Variants in ADAMTS20 observed in about 807,000 individuals in gnomAD.
ADAMTS20 encodes ADAM metallopeptidase with thrombospondin type 1 motif 20.
Under a neutral mutation model 260.1 loss-of-function variants are expected in ADAMTS20, and 225 were observed. The ratio of observed to expected loss-of-function variants is 0.87; its 90% CI spans 0.78 to 0.97. The LOEUF (loss-of-function observed/expected upper bound fraction) is 0.97, where lower values mean the gene tolerates loss of function less well. Among genes scored for constraint, ADAMTS20 ranks in the 50% least tolerant of loss-of-function variants. The probability of loss-of-function intolerance (pLI) is 0.00; values close to 1 mark genes in which losing one functional copy is unlikely to be tolerated. For missense variants in ADAMTS20, 2,400 were observed against 2,337.7 expected, an observed-to-expected ratio of 1.03 and a Z score of -0.55; for synonymous variants, 802 against 769.5, an observed-to-expected ratio of 1.04 and a Z score of -0.70.
At chr12:43,510,000 T>C (rs1003501599) in intron 3 of ADAMTS20, among the ~76,000 whole-genome samples, 2 of 152,148 alleles carry the variant, frequency 1.3e-5, no homozygotes, top group Non-Finnish European at 2.9e-5. Context: ...CTTGCATAAC[T>C]GAAAATCCCA....
At position 43,493,156 on chromosome 12, in the gene ADAMTS20, G is replaced by C; in HGVS notation, c.951+14C>G. 1 of 1,527,408 alleles carries C rather than the reference G, an allele frequency of 6.5e-7. No homozygotes were observed. Among genetic ancestry groups the C allele is most frequent in the Non-Finnish European group, 8.9e-7 (1 of 1,124,598 alleles). The allele number at this position is 1,527,408 out of a possible 1,614,324, so 94.6% of individuals were successfully genotyped here. A position where few individuals can be genotyped will look rare whatever the true frequency, so the allele number is the denominator to read the frequency against. On this transcript the variant is annotated intron_variant, in intron 5 of 38. Coordinates refer to ENST00000389420, the MANE Select transcript of ADAMTS20 (RefSeq NM_025003.5). ...ACTACAACTAAGGTTACTAATTTTA[G>C]ACCTGTTTCTTACCTCCTCACGGTG...
At chr12:43,434,445 T>C in intron 18 of ADAMTS20, 74 bp from the exon 19 acceptor site, 1 of 1,453,918 alleles carries the variant, frequency 6.9e-7, no homozygotes, top group South Asian at 1.4e-5. Flanking sequence ...TATGTAATTC[T>C]GCTAATAGCT....
intron 10 of ADAMTS20, 72 bp downstream of exon 10, chr12:43,464,519 A>G (rs551519854): frequency 6.6e-7 from 1 of 1,522,048 alleles, no homozygotes; most frequent in South Asian, 1.2e-5. Flanking sequence ...GAGAATAAAC[A>G]CATTTTGAAA....
chr12:43,431,285 T>A (rs12320797), intron 22 of ADAMTS20, 47 bp downstream of exon 22: 23 of 1,584,638 alleles, frequency 1.5e-5, no homozygotes, highest in Non-Finnish European at 1.6e-5. Context: ...TTTTGTGCTA[T>A]TCTGTAAAGA....
chr12:43,512,163 C>T (rs1373038937), intron 3 of ADAMTS20, among the ~76,000 whole-genome samples: 1 of 150,348 alleles, frequency 6.7e-6, no homozygotes, highest in Non-Finnish European at 1.5e-5. Flanking sequence ...CTATTATTAT[C>T]GTCATTTTAT....
chr12:43,376,784 A>G lies in ADAMTS20; in HGVS notation c.4996-131T>C. 3 of 1,030,146 alleles carry G rather than the reference A, an allele frequency of 2.9e-6. No individual in the cohort carries two copies. The South Asian group carries it at 6.0e-5, about 20-fold the overall frequency. 63.8% of individuals were successfully genotyped at this position (1,030,146 alleles called of 1,614,324 possible). A position where few individuals can be genotyped will look rare whatever the true frequency, so the allele number is the denominator to read the frequency against. Reference sequence around the variant, plus strand: ...TCAGTAGTGGCTAGATACACAGAAGACACAAAACTATGCTGGGGGCTGGAT... The same window carrying G: ...TCAGTAGTGGCTAGATACACAGAAGGCACAAAACTATGCTGGGGGCTGGAT... On this transcript the variant is annotated intron_variant, in intron 32 of 38. Coordinates refer to ENST00000389420, the MANE Select transcript of ADAMTS20 (RefSeq NM_025003.5).
Position 43,446,661 on chromosome 12 carries a change from C to T in ADAMTS20, c.2131G>A (p.Gly711Arg). ...LNSSAKIDKCGVCGGDNSSCK... is the reference protein window; with the variant it reads ...LNSSAKIDKCRVCGGDNSSCK... ...GAAGAGTTGTCCCCACCACACACTC[C>T]ACATTTGTCTATCTTGGCACTGGAG... The change falls in exon 15 of 39, where the codon GGA (glycine) becomes AGA (arginine). Residue 711 changes from glycine to arginine, a missense_variant. Transcript: ENST00000389420. The T allele has an allele frequency of 6.2e-7, 1 of 1,613,388 alleles. No individual in the cohort carries two copies. The highest frequency in any genetic ancestry group is 8.5e-7 in the Non-Finnish European group (1 of 1,179,552).
chr12:43,457,214 A>G (rs1365056084), intron 11 of ADAMTS20, among the ~76,000 whole-genome samples: 1 of 152,132 alleles, frequency 6.6e-6, no homozygotes, highest in African/African-American at 2.4e-5. Context: ...CCTTTCTTCA[A>G]AACTAATTGT....
At chr12:43,496,770 A>G (rs185935173) in intron 4 of ADAMTS20, among the ~76,000 whole-genome samples, 1 of 152,342 alleles carries the variant, frequency 6.6e-6, no homozygotes, top group Admixed American at 6.5e-5. Context: ...GAACAAAATC[A>G]TTCCACAGTT....
intron 28 of ADAMTS20, among the ~76,000 whole-genome samples, chr12:43,409,015 T>G (rs1940972863): frequency 6.6e-6 from 1 of 152,172 alleles, no homozygotes; most frequent in African/African-American, 2.4e-5. Flanking sequence ...CATACTAACC[T>G]GTATTCCTTT....
chr12:43,502,800 G>C (rs1942786799), intron 3 of ADAMTS20, among the ~76,000 whole-genome samples: 1 of 151,986 alleles, frequency 6.6e-6, no homozygotes, highest in Non-Finnish European at 1.5e-5. Context: ...TCTCATTACA[G>C]AGTAGTACCA....
At chr12:43,523,150 C>A (rs915225968) in intron 3 of ADAMTS20, among the ~76,000 whole-genome samples, 1 of 152,106 alleles carries the variant, frequency 6.6e-6, no homozygotes, top group African/African-American at 2.4e-5. Flanking sequence ...GGAGAGACTG[C>A]CTCCAGGAAA....
intron 37 of ADAMTS20, among the ~76,000 whole-genome samples, chr12:43,365,684 T>A (rs143141710): frequency 2.5e-3 from 384 of 152,088 alleles, no homozygotes; most frequent in Non-Finnish European, 4.5e-3. Flanking sequence ...TAAGTTAATA[T>A]AATACCAATA....
At chr12:43,381,049 G>C (rs1210588508) in intron 31 of ADAMTS20, among the ~76,000 whole-genome samples, 1 of 152,130 alleles carries the variant, frequency 6.6e-6, no homozygotes, top group African/African-American at 2.4e-5. Flanking sequence ...TATAGATCAA[G>C]AAAATAGAAT....
chr12:43,361,626 T>C (rs186128703), intron 37 of ADAMTS20, among the ~76,000 whole-genome samples: 3 of 152,314 alleles, frequency 2.0e-5, no homozygotes, highest in East Asian at 1.9e-4. Context: ...TCGCAGTTTA[T>C]AGCTATATAA....
rs571514622 is a variant in ADAMTS20 at position 43,398,423 on chromosome 12, C to CTGAGTCTTTTCATTTTTGG, written c.4452+624_4452+642dup. On this transcript the variant is annotated intron_variant, in intron 29 of 38. Transcript: ENST00000389420. ...CATTTATTTATCAGCTTCATTTTTG[C>CTGAGTCTTTTCATTTTTGG]TGAGTCTTTTCATTTTTGGTGAGTC... Among the ~76,000 whole-genome samples the CTGAGTCTTTTCATTTTTGG allele has an allele frequency of 1.1e-4, 16 of 152,162 alleles. No individual in the cohort carries two copies. In the East Asian group the frequency reaches 2.9e-3, roughly 28 times the overall value.
intron 28 of ADAMTS20, among the ~76,000 whole-genome samples, chr12:43,413,874 CCA>C (rs1941079004): frequency 6.6e-6 from 1 of 152,122 alleles, no homozygotes. Flanking sequence ...CCATATCCCA[CCA>C]CACTCCTAAA....
intron 3 of ADAMTS20, among the ~76,000 whole-genome samples, chr12:43,507,039 A>G (rs956941822): frequency 2.0e-4 from 29 of 146,802 alleles, no homozygotes; most frequent in Non-Finnish European, 4.0e-4. Context: ...TGTACAGCAT[A>G]GTGACTATAA....
chr12:43,436,397 A>C (rs1446178982), intron 18 of ADAMTS20, among the ~76,000 whole-genome samples: 1 of 152,178 alleles, frequency 6.6e-6, no homozygotes, highest in Non-Finnish European at 1.5e-5. Context: ...CAGAATGTGA[A>C]CCACATCTGG....
Sources: allele counts gnomAD v4.1 joint callset (sites outside exome capture counted in the v4.1 genomes callset), GRCh38; gene constraint gnomAD v4.1.1; transcripts MANE v1.5; gene names NCBI Gene and HGNC (gene_info 2026-07-23, HGNC 2026-07-21).